The following CNTNAP2 variants were observed in gnomAD, a reference collection of about 807,000 sequenced individuals.
CNTNAP2 encodes contactin-associated protein-like 2.
A neutral mutation model predicts 155.2 loss-of-function variants in CNTNAP2; 98 were observed. The observed-to-expected ratio is 0.63, with a 90% CI of 0.54 to 0.75. CNTNAP2 has a LOEUF of 0.75. Ranked by LOEUF, CNTNAP2 falls within the 30% of genes least tolerant of loss-of-function variation. The probability of loss-of-function intolerance (pLI) is 0.00; values close to 1 mark genes in which losing one functional copy is unlikely to be tolerated. For synonymous variants in CNTNAP2, 651 were observed against 631.2 expected (o/e 1.03, Z -0.47); for missense variants, 1,727 against 1,688.1 (o/e 1.02, Z -0.40).
Position 147,737,966 on chromosome 7 carries a change from C to T in CNTNAP2, c.2098+98660C>T, listed in dbSNP as rs1033060400. Among the ~76,000 whole-genome samples the T allele has an allele frequency of 3.3e-5, 5 of 152,206 alleles. No individual in the cohort carries two copies. In the South Asian group the frequency reaches 6.2e-4, roughly 19 times the overall value. On this transcript the variant is annotated intron_variant, in intron 13 of 23. Coordinates refer to ENST00000361727, the MANE Select transcript of CNTNAP2 (RefSeq NM_014141.6). ...GAATTCCCTGACCCCTTGCACTTCC[C>T]GGGTGAGGCGATGCCTTGCCCTGCT...
intron 14 of CNTNAP2, among the ~76,000 whole-genome samples, chr7:147,957,776 A>C (rs1014357058): frequency 9.9e-5 from 15 of 152,190 alleles, no homozygotes; most frequent in Non-Finnish European, 1.3e-4. Context: ...AAAAAAAGAT[A>C]TAAAGAAGAA....
chr7:146,595,154 C>A (rs1798841653), intron 1 of CNTNAP2, among the ~76,000 whole-genome samples: 1 of 152,024 alleles, frequency 6.6e-6, no homozygotes, highest in Non-Finnish European at 1.5e-5. Flanking sequence ...ATTATATAAT[C>A]ACTCTCAGTA....
chr7:146,673,403 C>G (rs1425582113), intron 1 of CNTNAP2, among the ~76,000 whole-genome samples: 3 of 152,076 alleles, frequency 2.0e-5, no homozygotes, highest in Non-Finnish European at 4.4e-5. Context: ...ATAGTTATGC[C>G]AGAAACGAAA....
At chr7:146,697,712 T>C (rs1015872577) in intron 1 of CNTNAP2, among the ~76,000 whole-genome samples, 2 of 152,172 alleles carry the variant, frequency 1.3e-5, no homozygotes, top group African/African-American at 4.8e-5. Flanking sequence ...AGCCAACCCA[T>C]AGTAGGTTCT....
rs778959277 is a variant in CNTNAP2, at chr7:146,706,917, TAA to T, written c.98-67338_98-67337del. On this transcript the variant is annotated intron_variant, in intron 1 of 23. Coordinates refer to ENST00000361727, the MANE Select transcript of CNTNAP2 (RefSeq NM_014141.6). The stretch of plus-strand genomic sequence containing the variant: ...CACATGTACCCCTGAACTTAAAAGT[TAA>T]AAAAAAAAAAAAAAAGATTCAAAGG... Among the ~76,000 whole-genome samples the T allele has an allele frequency of 5.0e-3, 632 of 126,638 alleles. 2 individuals carry two copies. Among genetic ancestry groups the T allele is most frequent in the African/African-American group, 0.014 (533 of 38,022 alleles). The allele number at this position is 126,638 out of a possible 152,430, so 83.1% of individuals were successfully genotyped here.
At chr7:146,362,283 A>T (rs1049729332) in intron 1 of CNTNAP2, among the ~76,000 whole-genome samples, 1 of 152,208 alleles carries the variant, frequency 6.6e-6, no homozygotes, top group African/African-American at 2.4e-5. Context: ...CATTCTAACG[A>T]GAAAAACGAA....
intron 13 of CNTNAP2, among the ~76,000 whole-genome samples, chr7:147,724,885 T>A (rs1796619769): frequency 6.6e-6 from 1 of 151,672 alleles, no homozygotes; most frequent in African/African-American, 2.4e-5. Context: ...CAGAAGCAAA[T>A]ATAATTGGAT....
At chr7:147,968,043 G>A (rs371961504) in intron 14 of CNTNAP2, among the ~76,000 whole-genome samples, 26 of 152,166 alleles carry the variant, frequency 1.7e-4, no homozygotes, top group Admixed American at 1.3e-3. Context: ...CCTAGTTAAC[G>A]TCTATGTTTA....
At chr7:147,962,363 A>T (rs1173075326) in intron 14 of CNTNAP2, among the ~76,000 whole-genome samples, 2 of 152,228 alleles carry the variant, frequency 1.3e-5, no homozygotes, top group Non-Finnish European at 2.9e-5. Flanking sequence ...TCAGGAAGCT[A>T]TGCAAGAGGC....
chr7:146,732,654 T>C lies in CNTNAP2; in HGVS notation c.98-41617T>C, dbSNP rs142813485. On this transcript the variant is annotated intron_variant, in intron 1 of 23. Transcript: ENST00000361727. ...ATTTGGCCATCATACCAAAAAGAAA[T>C]ACAGTTGTCCCTCATTATCCGTGGG... 4.9e-4 allele frequency among the ~76,000 whole-genome samples: 74 copies of C among 152,228 alleles called. 1 individual carries two copies. Among genetic ancestry groups the C allele is most frequent in the African/African-American group, 1.7e-3 (71 of 41,562 alleles).
At chr7:147,036,692 T>A (rs1347847984) in intron 3 of CNTNAP2, among the ~76,000 whole-genome samples, 1 of 152,192 alleles carries the variant, frequency 6.6e-6, no homozygotes, top group East Asian at 1.9e-4. Flanking sequence ...GCATTTTTTA[T>A]GTATCTGCAA....
intron 1 of CNTNAP2, among the ~76,000 whole-genome samples, chr7:146,188,413 A>G (rs904037133): frequency 1.8e-4 from 27 of 152,214 alleles, no homozygotes; most frequent in East Asian, 7.7e-4. Context: ...ACTGATGCAG[A>G]TAAAAGGCAG....
intron 3 of CNTNAP2, among the ~76,000 whole-genome samples, chr7:146,984,330 G>A (rs10952666): frequency 0.57 from 82,456 of 145,104 alleles, 23,670 homozygotes; most frequent in East Asian, 0.76. Context: ...TTGTGCCACT[G>A]CAATCCAGCC....
chr7:148,384,331 TC>T lies in CNTNAP2; in HGVS notation c.3715+445del, dbSNP rs147975632. 4.8e-4 allele frequency among the ~76,000 whole-genome samples: 73 copies of T among 152,318 alleles called. 1 individual carries two copies. The East Asian group carries it at 0.011, about 24-fold the overall frequency. On this transcript the variant is annotated intron_variant, in intron 22 of 23. Transcript: ENST00000361727. Reference sequence around the variant, plus strand: ...ATTTATATGAATAATACTGGTGGCTTCCAGATCTTTAAGAGGTGCCTTTAAG... The same window carrying T: ...ATTTATATGAATAATACTGGTGGCTTCAGATCTTTAAGAGGTGCCTTTAAG...
chr7:146,690,839 G>A (rs1330434901), intron 1 of CNTNAP2, among the ~76,000 whole-genome samples: 1 of 152,020 alleles, frequency 6.6e-6, no homozygotes, highest in Non-Finnish European at 1.5e-5. Context: ...GGAGGAAAGG[G>A]AACTTAATTT....
chr7:147,489,620 G>A (rs1426350068), intron 11 of CNTNAP2, among the ~76,000 whole-genome samples: 1 of 152,076 alleles, frequency 6.6e-6, no homozygotes, highest in Non-Finnish European at 1.5e-5. Context: ...CTGTAAGAAT[G>A]TATCTTTTGC....
intron 1 of CNTNAP2, among the ~76,000 whole-genome samples, chr7:146,190,291 T>C (rs1241688771): frequency 1.3e-5 from 2 of 152,230 alleles, no homozygotes; most frequent in Non-Finnish European, 2.9e-5. Flanking sequence ...TTCCCTGTTC[T>C]GGGCTTTATT....
intron 13 of CNTNAP2, among the ~76,000 whole-genome samples, chr7:147,742,453 G>A (rs1286912133): frequency 6.6e-6 from 1 of 152,050 alleles, no homozygotes; most frequent in Non-Finnish European, 1.5e-5. Flanking sequence ...TTGTTCCTTT[G>A]GAATCTGTTA....
chr7:147,133,943 A>G (rs943454351), intron 8 of CNTNAP2, among the ~76,000 whole-genome samples: 2 of 152,098 alleles, frequency 1.3e-5, no homozygotes, highest in Non-Finnish European at 2.9e-5. Flanking sequence ...TTATAAGTAT[A>G]CCTAGGGAGG....
Sources: allele counts gnomAD v4.1 joint callset (sites outside exome capture counted in the v4.1 genomes callset), GRCh38; gene constraint gnomAD v4.1.1; transcripts MANE v1.5; gene names NCBI Gene and HGNC (gene_info 2026-07-23, HGNC 2026-07-21).